The following NRG1 variants were observed in gnomAD, a reference collection of about 807,000 sequenced individuals.
The protein encoded by NRG1 is neuregulin 1, also known as pro-neuregulin-1, membrane-bound isoform.
NRG1 carries 18 observed loss-of-function variants against 63.8 expected under a neutral mutation model. The ratio of observed to expected loss-of-function variants is 0.28; its 90% confidence interval spans 0.19 to 0.42. NRG1 has a LOEUF of 0.42. NRG1 is among the 10% of genes least tolerant of loss of function. The pLI, the probability that NRG1 is intolerant of heterozygous loss-of-function variation, is 1.00. For synonymous variants in NRG1, 302 were observed against 301.3 expected (o/e 1.00, Z -0.02); for missense variants, 762 against 814.7 (o/e 0.94, Z 0.79).
chr8:32,333,062 A>G (rs1288546960), intron 1 of NRG1, among the ~76,000 whole-genome samples: 1 of 152,180 alleles, frequency 6.6e-6, no homozygotes, highest in Non-Finnish European at 1.5e-5. Context: ...ATGGGACAAT[A>G]TAACCATTTT....
chr8:32,559,732 C>T (rs1835981553), intron 1 of NRG1, among the ~76,000 whole-genome samples: 1 of 151,688 alleles, frequency 6.6e-6, no homozygotes, highest in Non-Finnish European at 1.5e-5. Flanking sequence ...CATGGTGCCT[C>T]ATACTTGTAT....
intron 1 of NRG1, among the ~76,000 whole-genome samples, chr8:32,315,639 G>A (rs1857299437): frequency 6.6e-6 from 1 of 152,094 alleles, no homozygotes; most frequent in African/African-American, 2.4e-5. Context: ...TAGATCCAAT[G>A]GTCTTGTTTA....
chr8:31,655,290 G>T (rs908048299), intron 1 of NRG1, among the ~76,000 whole-genome samples: 4 of 152,114 alleles, frequency 2.6e-5, no homozygotes, highest in Admixed American at 1.3e-4. Context: ...TAGGCAAAAG[G>T]GTTACACAAA....
At chr8:32,261,388 T>TGTGTGC (rs754036317) in intron 1 of NRG1, among the ~76,000 whole-genome samples, 1 of 149,514 alleles carries the variant, frequency 6.7e-6, no homozygotes, top group Non-Finnish European at 1.5e-5. Flanking sequence ...TGTGTGTGTG[T>TGTGTGC]GCTGGTGTGT....
chr8:32,700,016 C>T lies in NRG1; in HGVS notation c.503-27933C>T, dbSNP rs1297092074. ...GTCACAATGTTGTACAACTCATTAC[C>T]ACTATCTAACTCCAGGATATTTTCC... is the stretch of plus-strand genomic sequence containing the variant. On this transcript the variant is annotated intron_variant, in intron 5 of 11. Coordinates refer to ENST00000356819, the Ensembl canonical transcript of NRG1. Among the ~76,000 whole-genome samples, 4 of 151,996 alleles carry T rather than the reference C, an allele frequency of 2.6e-5. No homozygotes were observed. In the East Asian group the frequency reaches 7.7e-4, roughly 29 times the overall value.
At chr8:31,833,376 C>A (rs1327124683) in intron 1 of NRG1, among the ~76,000 whole-genome samples, 1 of 152,206 alleles carries the variant, frequency 6.6e-6, no homozygotes, top group Non-Finnish European at 1.5e-5. Flanking sequence ...CTGGAAGCAA[C>A]TGACACCTAA....
intron 1 of NRG1, among the ~76,000 whole-genome samples, chr8:31,998,416 G>T (rs560950230): frequency 6.6e-6 from 1 of 152,030 alleles, no homozygotes; most frequent in African/African-American, 2.4e-5. Context: ...TCTCTAAAAT[G>T]CACAAAGCTT....
intron 1 of NRG1, among the ~76,000 whole-genome samples, chr8:31,912,147 G>A (rs884529): frequency 0.2 from 30,398 of 152,134 alleles, 4,333 homozygotes; most frequent in African/African-American, 0.4. Flanking sequence ...TTAGCATATT[G>A]GGAGTAAGCA....
In NRG1 at chr8:32,759,450, A is replaced by C. The variant is rs1463119402; in HGVS notation, c.1052+14A>C. 6.2e-7 allele frequency: 1 copy of C among 1,609,340 alleles called. No homozygotes were observed. Among genetic ancestry groups the C allele is most frequent in the Non-Finnish European group, 8.5e-7 (1 of 1,177,992 alleles). On this transcript the variant is annotated intron_variant, in intron 10 of 11. Coordinates refer to ENST00000356819, the Ensembl canonical transcript of NRG1. ...TCCTAGCCACAGGTATGAGAATTTAAAAATTCCACGGCTTTTCTCTCAGAA... is the reference window on the plus strand; with the variant it reads ...TCCTAGCCACAGGTATGAGAATTTACAAATTCCACGGCTTTTCTCTCAGAA...
chr8:32,430,375 A>G (rs534659622), intron 1 of NRG1, among the ~76,000 whole-genome samples: 4 of 152,346 alleles, frequency 2.6e-5, no homozygotes, highest in Non-Finnish European at 2.9e-5. Flanking sequence ...TATGAGCAGC[A>G]ATAAACCATG....
At chr8:32,646,323 G>A (rs188038133) in intron 5 of NRG1, among the ~76,000 whole-genome samples, 129 of 152,278 alleles carry the variant, frequency 8.5e-4, no homozygotes, top group African/African-American at 3.0e-3. Flanking sequence ...AGGGCTAAAG[G>A]CAGAGCTGTC....
intron 1 of NRG1, among the ~76,000 whole-genome samples, chr8:32,361,732 C>T (rs1234968989): frequency 6.6e-6 from 1 of 152,184 alleles, no homozygotes; most frequent in Non-Finnish European, 1.5e-5. Flanking sequence ...GCTCAAACTT[C>T]CTGTATGGTT....
intron 1 of NRG1, among the ~76,000 whole-genome samples, chr8:32,049,737 A>G (rs980642715): frequency 6.6e-6 from 1 of 152,196 alleles, no homozygotes; most frequent in African/African-American, 2.4e-5. Flanking sequence ...TCTGTATTCT[A>G]CAAACCTTTG....
At chr8:32,466,409 C>G (rs1823074149) in intron 1 of NRG1, among the ~76,000 whole-genome samples, 1 of 151,590 alleles carries the variant, frequency 6.6e-6, no homozygotes, top group Admixed American at 6.6e-5. Context: ...GATGATCACC[C>G]AGTAGCATCT....
chr8:32,764,493 C>G, exon 12 of NRG1: 1 of 1,180,492 alleles, frequency 8.5e-7, no homozygotes, highest in South Asian at 2.1e-5. Flanking sequence ...TTTATTTTAG[C>G]AGTTCTGCAA....
chr8:31,726,935 A>C (rs188809706), intron 1 of NRG1, among the ~76,000 whole-genome samples: 45 of 152,266 alleles, frequency 3.0e-4, no homozygotes, highest in African/African-American at 1.1e-3. Context: ...ACTTGCAATC[A>C]TTGGACGAAT....
At chr8:32,513,074 C>A (rs1247350038) in intron 1 of NRG1, among the ~76,000 whole-genome samples, 1 of 151,776 alleles carries the variant, frequency 6.6e-6, no homozygotes, top group Non-Finnish European at 1.5e-5. Flanking sequence ...AGGAATCAAG[C>A]CAAAGTGAGA....
At chr8:32,718,680 A>G (rs1386724413) in intron 5 of NRG1, among the ~76,000 whole-genome samples, 14 of 152,024 alleles carry the variant, frequency 9.2e-5, no homozygotes, top group East Asian at 5.8e-4. Flanking sequence ...GCCTCTCACC[A>G]CCAAACATGA....
chr8:32,226,549 C>T (rs7817549), intron 1 of NRG1, among the ~76,000 whole-genome samples: 113,945 of 152,006 alleles, frequency 0.75, 43,793 homozygotes, highest in African/African-American at 0.91. Context: ...ATTCTGGTTC[C>T]AGTCCTTTTT....
Sources: allele counts gnomAD v4.1 joint callset (sites outside exome capture counted in the v4.1 genomes callset), GRCh38; gene constraint gnomAD v4.1.1; transcripts MANE v1.5; gene names NCBI Gene and HGNC (gene_info 2026-07-23, HGNC 2026-07-21).